REDIC1: variants seen among roughly 807,000 people sequenced by gnomAD.
REDIC1 encodes HEI10 Interacting Protein 1.
chr12:39,838,155 G>A, the REDIC1 span, among the ~76,000 whole-genome samples: 2 of 148,624 alleles, frequency 1.3e-5, no homozygotes, highest in Non-Finnish European at 3.0e-5. Flanking sequence ...GGAATACTAC[G>A]CAGCCATAAA....
the REDIC1 span, among the ~76,000 whole-genome samples, chr12:39,865,744 G>A: frequency 6.6e-6 from 1 of 152,196 alleles, no homozygotes; most frequent in African/African-American, 2.4e-5. Context: ...GATGGAGCTG[G>A]AGGCCATGAT....
At chr12:39,711,653 A>G in the REDIC1 span, among the ~76,000 whole-genome samples, 35 of 134,154 alleles carry the variant, frequency 2.6e-4, 3 homozygotes, top group African/African-American at 7.3e-4. Context: ...ATACACATGT[A>G]TGTATGTCTA....
chr12:39,905,191 C>T, the REDIC1 span, among the ~76,000 whole-genome samples: 1 of 152,062 alleles, frequency 6.6e-6, no homozygotes, highest in Admixed American at 6.6e-5. Flanking sequence ...TTTTATAATA[C>T]TCTGAACACT....
the REDIC1 span, among the ~76,000 whole-genome samples, chr12:39,884,422 G>A: frequency 6.6e-6 from 1 of 152,130 alleles, no homozygotes; most frequent in Non-Finnish European, 1.5e-5. Context: ...ACCTCTGGTT[G>A]CCTAAAACAC....
At chr12:39,841,499 T>C in the REDIC1 span, among the ~76,000 whole-genome samples, 1 of 152,104 alleles carries the variant, frequency 6.6e-6, no homozygotes, top group Non-Finnish European at 1.5e-5. Flanking sequence ...ATCAACATAG[T>C]TAAAAACCTC....
the REDIC1 span, among the ~76,000 whole-genome samples, chr12:39,708,140 C>A: frequency 6.6e-6 from 1 of 151,538 alleles, no homozygotes; most frequent in Non-Finnish European, 1.5e-5. Context: ...TTGAATTGTA[C>A]ATTTTCAAAT....
chr12:39,726,453 G>C, the REDIC1 span, among the ~76,000 whole-genome samples: 1 of 152,096 alleles, frequency 6.6e-6, no homozygotes, highest in Admixed American at 6.6e-5. Flanking sequence ...GAGAATGATG[G>C]TTTGAAGCTT....
the REDIC1 span, among the ~76,000 whole-genome samples, chr12:39,701,097 A>C: frequency 3.7e-4 from 25 of 68,068 alleles, no homozygotes; most frequent in East Asian, 7.4e-3. Context: ...TATTAACTTT[A>C]AATGTAAATG....
the REDIC1 span, among the ~76,000 whole-genome samples, chr12:39,820,946 T>G: frequency 6.6e-6 from 1 of 151,840 alleles, no homozygotes; most frequent in South Asian, 2.1e-4. Flanking sequence ...TAGCCCCTAC[T>G]TAAAAACCTT....
At chr12:39,655,734 T>G in the REDIC1 span, among the ~76,000 whole-genome samples, 1 of 152,178 alleles carries the variant, frequency 6.6e-6, no homozygotes, top group Non-Finnish European at 1.5e-5. Context: ...CTACCACTCA[T>G]GGATCTAGGG....
the REDIC1 span, among the ~76,000 whole-genome samples, chr12:39,636,842 C>A: frequency 6.6e-6 from 1 of 152,008 alleles, no homozygotes; most frequent in Non-Finnish European, 1.5e-5. Context: ...GTTTCAATAT[C>A]TCTTGCATAC....
At chr12:39,682,794 C>T in the REDIC1 span, 1 of 1,612,696 alleles carries the variant, frequency 6.2e-7, no homozygotes, top group South Asian at 1.1e-5. Context: ...CTACTCCTAA[C>T]CTTCTATCAG....
chr12:39,711,694 TGTATGTGTATACACATGCATGTGTATGC>T, the REDIC1 span, among the ~76,000 whole-genome samples: 1 of 41,300 alleles, frequency 2.4e-5, no homozygotes, highest in South Asian at 6.5e-4. Context: ...CACATGTATG[TGTATGTGTATACACATGCATGTGTATGC>T]ACATGCATGT....
the REDIC1 span, among the ~76,000 whole-genome samples, chr12:39,905,992 T>C: frequency 6.6e-6 from 1 of 152,270 alleles, no homozygotes; most frequent in East Asian, 1.9e-4. Flanking sequence ...TATTGAAATA[T>C]AACAGCTGAT....
At chr12:39,791,402 G>C in the REDIC1 span, among the ~76,000 whole-genome samples, 1 of 46,734 alleles carries the variant, frequency 2.1e-5, no homozygotes, top group Non-Finnish European at 4.3e-5. Context: ...GGAAATAAAG[G>C]GTATTCAATT....
At chr12:39,785,267 GC>G in the REDIC1 span, among the ~76,000 whole-genome samples, 1 of 152,176 alleles carries the variant, frequency 6.6e-6, no homozygotes, top group Non-Finnish European at 1.5e-5. Flanking sequence ...GAGACTTGGT[GC>G]CCTGTGTCCC....
At chr12:39,704,953 G>A in the REDIC1 span, among the ~76,000 whole-genome samples, 1 of 151,924 alleles carries the variant, frequency 6.6e-6, no homozygotes, top group African/African-American at 2.4e-5. Flanking sequence ...GGATGGCATT[G>A]GGAGATATAC....
the REDIC1 span, among the ~76,000 whole-genome samples, chr12:39,840,670 G>T: frequency 1.3e-5 from 2 of 152,026 alleles, no homozygotes; most frequent in South Asian, 4.1e-4. Flanking sequence ...CCTGACCCCA[G>T]CAGAATCAGA....
chr12:39,688,225 A>G, the REDIC1 span, among the ~76,000 whole-genome samples: 1 of 152,216 alleles, frequency 6.6e-6, no homozygotes, highest in African/African-American at 2.4e-5. Flanking sequence ...GAAAGAGACA[A>G]AAATATAATG....
Sources: gnomAD v4.1 joint callset for allele counts (sites outside exome capture counted in the v4.1 genomes callset) on GRCh38, gnomAD v4.1.1 for gene constraint, MANE v1.5 for transcripts, NCBI Gene and HGNC (gene_info 2026-07-23, HGNC 2026-07-21) for gene names.